DACT1: variants seen among roughly 807,000 people sequenced by gnomAD.
The protein encoded by DACT1 is dapper homolog 1.
In DACT1, 19 loss-of-function variants were observed where a neutral mutation model predicts 35.3. That is an observed-to-expected ratio of 0.54 (90% CI 0.38 to 0.79). The LOEUF (loss-of-function observed/expected upper bound fraction) is 0.79, where lower values mean the gene tolerates loss of function less well. DACT1 is among the 30% of genes least tolerant of loss of function. The probability of loss-of-function intolerance (pLI) is 0.00; values close to 1 mark genes in which losing one functional copy is unlikely to be tolerated. For missense variants in DACT1, 1,143 were observed against 1,057.5 expected (o/e 1.08, Z -1.12); for synonymous variants, 545 against 466.7 (o/e 1.17, Z -2.16).
chr14:58,635,477 G>A (rs1030418277), upstream of DACT1, among the ~76,000 whole-genome samples: 2 of 152,190 alleles, frequency 1.3e-5, no homozygotes, highest in African/African-American at 2.4e-5. Flanking sequence ...GCATGTGAAT[G>A]AACAGCATTA....
In DACT1 at chr14:58,646,230, C is replaced by A; in HGVS notation, c.1496C>A (p.Pro499His). Residue 499 changes from proline to histidine, a missense_variant, in exon 4 of 4, where the codon CCT (proline) becomes CAT (histidine). Physicochemically the swap from Pro to His is moderately conservative, Grantham distance 77 (BLOSUM62 -2). Coordinates refer to ENST00000395153, the MANE Select transcript of DACT1 (RefSeq NM_001079520.2). ...ACAGCTTTCCCCGTGGAAGAGAGGC[C>A]TGCCTTGGATTTCAAGAGCGAGGGC... ...LSTAFPVEER[P>H]ALDFKSEGSS... The A allele has an allele frequency of 1.9e-6, 3 of 1,614,040 alleles. No homozygotes were observed. The highest frequency in any genetic ancestry group is 2.2e-5 in the South Asian group (2 of 91,062).
Position 58,640,724 on chromosome 14 carries a change from C to A in DACT1, c.346-12C>A. The A allele has an allele frequency of 1.2e-6, 2 of 1,613,816 alleles. No individual in the cohort carries two copies. Among genetic ancestry groups the A allele is most frequent in the South Asian group, 2.2e-5 (2 of 91,050 alleles). On this transcript the variant is annotated splice_polypyrimidine_tract_variant and intron_variant, in intron 1 of 3. Coordinates refer to ENST00000395153, the MANE Select transcript of DACT1 (RefSeq NM_001079520.2). Reference sequence around the variant, plus strand: ...CTGTATGTTCATGTTTCCTTTGTTTCTTCCTAATCAGAACTGTTTGAGGCG... The same window carrying A: ...CTGTATGTTCATGTTTCCTTTGTTTATTCCTAATCAGAACTGTTTGAGGCG...
At chr14:58,645,131 T>C (rs1224416760) in intron 3 of DACT1, 7 of 753,728 alleles carry the variant, frequency 9.3e-6, no homozygotes, top group Non-Finnish European at 1.5e-5. Flanking sequence ...TGTGAAATGG[T>C]AGGGCAGCAC....
At position 58,647,586 on chromosome 14, in the gene DACT1, A is replaced by C. The variant is rs2047706150; in HGVS notation, c.*452A>C. 1.1e-5 allele frequency: 2 copies of C among 187,378 alleles called. No individual in the cohort carries two copies. Among genetic ancestry groups the C allele is most frequent in the Admixed American group, 1.3e-4 (2 of 15,782 alleles). The allele number at this position is 187,378 out of a possible 1,614,324, so 11.6% of individuals were successfully genotyped here. ...GGCACCACATACAATAGTGTGAAGT[A>C]GGTATGAGGGGCAGTCATTGTATTC... On this transcript the variant is annotated 3_prime_UTR_variant, in exon 4 of 4. Coordinates refer to ENST00000395153, the MANE Select transcript of DACT1 (RefSeq NM_001079520.2).
Position 58,640,683 on chromosome 14 carries a change from G to C in DACT1, c.346-53G>C, listed in dbSNP as rs573705523. On this transcript the variant is annotated intron_variant, in intron 1 of 3. Transcript: ENST00000395153. ...TTTGAATCCTTAGAGTAGACTTTCT[G>C]GTTCTTTTGTCACCCCTGTATGTTC... 5.6e-6 allele frequency: 9 copies of C among 1,603,608 alleles called. 1 individual carries two copies. In the South Asian group the frequency reaches 6.7e-5, roughly 12 times the overall value.
At chr14:58,639,262 G>T in intron 1 of DACT1, 1 of 985,278 alleles carries the variant, frequency 1.0e-6, no homozygotes, top group Non-Finnish European at 1.2e-6. Flanking sequence ...ACCTGCTCTC[G>T]GTAAGCATTT....
chr14:58,646,986 T>C lies in DACT1; in HGVS notation c.2252T>C (p.Val751Ala), dbSNP rs755224769. 2.5e-6 allele frequency: 4 copies of C among 1,614,158 alleles called. No individual in the cohort carries two copies. The highest frequency in any genetic ancestry group is 1.1e-5 in the South Asian group (1 of 91,084). ...GGGGGCTTAATTTGGTCCCAGTTTG[T>C]CCAGACTCTGCCCATTCAAACGGTA... ...ESGGLIWSQF[V>A]QTLPIQTVTA... Residue 751 changes from valine to alanine, a missense_variant, in exon 4 of 4, where the codon GTC becomes GCC. By Grantham distance (64) the Val-to-Ala change is moderately conservative. This residue lies in a region of DACT1 where 1,054 missense variants were observed against 958.8 expected (regional missense o/e 1.10). Transcript: ENST00000395153.
In DACT1 at chr14:58,638,246, C is replaced by T. The variant is rs1274111708; in HGVS notation, c.44C>T (p.Pro15Leu). ...GGGACGGCGAAGGAGCTGGAGCCTC[C>T]GGCGCCGGCCCGAGGCGAGCAGCGC... The part of the protein sequence containing the change: ...PAGTAKELEP[P>L]APARGEQRTA... The change falls in exon 1 of 4, where the codon CCG (proline) becomes CTG (leucine). Residue 15 changes from proline (P) to leucine (L), a missense_variant. Pro to Leu is a moderately conservative substitution (Grantham distance 98, BLOSUM62 -3). Transcript: ENST00000395153. 9.5e-6 allele frequency: 13 copies of T among 1,364,662 alleles called. No individual in the cohort carries two copies. Among genetic ancestry groups the T allele is most frequent in the South Asian group, 3.4e-5 (2 of 59,678 alleles). The allele number at this position is 1,364,662 out of a possible 1,614,324, so 84.5% of individuals were successfully genotyped here. A position where few individuals can be genotyped will look rare whatever the true frequency, so the allele number is the denominator to read the frequency against.
chr14:58,643,709 T>G (rs1266873872), intron 3 of DACT1, among the ~76,000 whole-genome samples: 1 of 152,180 alleles, frequency 6.6e-6, no homozygotes, highest in Non-Finnish European at 1.5e-5. Context: ...GCACCAGGCC[T>G]TGGGGGCTAG....
At chr14:58,638,620 G>T (rs2047597990) in intron 1 of DACT1, 73 bp downstream of exon 1, 2 of 1,268,848 alleles carry the variant, frequency 1.6e-6, no homozygotes, top group East Asian at 3.0e-5. Flanking sequence ...GGCCTGGGGC[G>T]GGCGCGAGGT....
Position 58,645,599 on chromosome 14 carries a change from CTGTG to C in DACT1, c.866_869del (p.Leu289ArgfsTer17), listed in dbSNP as rs2047666698. ...CAGTTCCTTACCGTCCCCAAGCAGTCTGTGGTCTGCTTCCCATCCTTCATCCAGC... is the reference window on the plus strand; with the variant it reads ...CAGTTCCTTACCGTCCCCAAGCAGTCGTCTGCTTCCCATCCTTCATCCAGC... On this transcript the variant is annotated frameshift_variant, in exon 4 of 4. Transcript: ENST00000395153. LOFTEE classifies it low-confidence loss of function (END_TRUNC). 1.9e-6 allele frequency: 3 copies of C among 1,614,068 alleles called. No homozygotes were observed. In the Admixed American group the frequency reaches 5.0e-5, roughly 27 times the overall value.
intron 1 of DACT1, among the ~76,000 whole-genome samples, chr14:58,640,188 G>T (rs1311703996): frequency 1.3e-5 from 2 of 152,216 alleles, no homozygotes; most frequent in Non-Finnish European, 2.9e-5. Flanking sequence ...GATTCTGCCA[G>T]CTCACATTAT....
intron 2 of DACT1, among the ~76,000 whole-genome samples, chr14:58,641,213 T>C (rs1023226619): frequency 6.6e-6 from 1 of 151,612 alleles, no homozygotes; most frequent in Non-Finnish European, 1.5e-5. Context: ...CAAAAGTTTT[T>C]TTTTTTTTTC....
chr14:58,646,678 T>A lies in DACT1; in HGVS notation c.1944T>A (p.Ile648=), dbSNP rs773387192. 5 of 1,612,672 alleles carry A rather than the reference T, an allele frequency of 3.1e-6. No individual in the cohort carries two copies. Among genetic ancestry groups the A allele is most frequent in the Non-Finnish European group, 8.5e-7 (1 of 1,179,800 alleles). The part of the protein sequence containing the change: ...DYRRWKSSAE[I]SYEEALRRAR... ...GGCGGTGGAAGTCCTCGGCCGAGAT[T>A]TCCTACGAAGAGGCCCTGAGGAGGG... Residue 648 remains isoleucine (I), a synonymous_variant, in exon 4 of 4, where the codon ATT becomes ATA. Coordinates refer to ENST00000395153, the MANE Select transcript of DACT1 (RefSeq NM_001079520.2).
chr14:58,646,506 C>A lies in DACT1; in HGVS notation c.1772C>A (p.Ser591Tyr). Residue 591 changes from serine to tyrosine, a missense_variant, in exon 4 of 4, where the codon TCC becomes TAC. Physicochemically the swap from Ser to Tyr is moderately radical, Grantham distance 144 (BLOSUM62 -2). This residue lies in a region of DACT1 where 1,054 missense variants were observed against 958.8 expected (regional missense o/e 1.10). Transcript: ENST00000395153. ...ACAAATAAGAAACTCAAGAAAGCCT[C>A]CTCCAAGGGGAGGAAGAGTGGGGGC... Reference protein sequence around the residue: ...LDTNKKLKKASSKGRKSGGGP... With the variant: ...LDTNKKLKKAYSKGRKSGGGP... The A allele has an allele frequency of 6.4e-7, 1 of 1,560,818 alleles. No homozygotes were observed.
Position 58,638,229 on chromosome 14 carries a change from GA to G in DACT1, c.29del (p.Lys10ArgfsTer102). On this transcript the variant is annotated frameshift_variant, in exon 1 of 4. Transcript: ENST00000395153. LOFTEE classifies it high-confidence loss of function. ...TGAAGCCGAGTCCGGCCGGGACGGC[GA>G]AGGAGCTGGAGCCTCCGGCGCCGGC... MKPSPAGTAKELEPPAPARG... is the reference protein window; with the variant it reads MKPSPAGTAXELEPPAPARG... The G allele has an allele frequency of 7.4e-7, 1 of 1,354,140 alleles. No individual in the cohort carries two copies. 83.9% of individuals were successfully genotyped at this position (1,354,140 alleles called of 1,614,324 possible).
chr14:58,646,864 C>T lies in DACT1; in HGVS notation c.2130C>T (p.Ser710=). Residue 710 remains serine, a synonymous_variant, in exon 4 of 4, where the codon AGC becomes AGT. Transcript: ENST00000395153. ...TGGACACCAGTGAGGACGAGCAGAGCAATTACACCACCAACTGCTTCGGGG... is the reference window on the plus strand; with the variant it reads ...TGGACACCAGTGAGGACGAGCAGAGTAATTACACCACCAACTGCTTCGGGG... ...TVVDTSEDEQ[S]NYTTNCFGDS... 1 of 1,614,142 alleles carries T rather than the reference C, an allele frequency of 6.2e-7. No individual in the cohort carries two copies. Among genetic ancestry groups the T allele is most frequent in the Non-Finnish European group, 8.5e-7 (1 of 1,180,026 alleles).
Position 58,646,685 on chromosome 14 carries a change from G to A in DACT1, c.1951G>A (p.Glu651Lys). ...RWKSSAEISY[E>K]EALRRARRGR... ...GAAGTCCTCGGCCGAGATTTCCTAC[G>A]AAGAGGCCCTGAGGAGGGCCCGGCG... is the stretch of plus-strand genomic sequence containing the variant. Residue 651 changes from glutamate to lysine, a missense_variant, in exon 4 of 4, where the codon GAA becomes AAA. Physicochemically the swap from Glu to Lys is moderately conservative, Grantham distance 56. This residue lies in a region of DACT1 where 1,054 missense variants were observed against 958.8 expected (regional missense o/e 1.10). Coordinates refer to ENST00000395153, the MANE Select transcript of DACT1 (RefSeq NM_001079520.2). 3 of 1,612,902 alleles carry A rather than the reference G, an allele frequency of 1.9e-6. No individual in the cohort carries two copies. The highest frequency in any genetic ancestry group is 1.7e-6 in the Non-Finnish European group (2 of 1,179,888).
rs763437520 is a variant in DACT1, at chr14:58,646,384, C to T, written c.1650C>T (p.Arg550=). ...GVVKNSSLKH[R]GPALQGLENG... is the part of the protein sequence containing the mutation. ...TGAAGAACTCCAGCCTGAAGCACCG[C>T]GGCCCAGCCCTCCAGGGGCTGGAGA... is the stretch of plus-strand genomic sequence containing the variant. Residue 550 remains arginine, a synonymous_variant, in exon 4 of 4, where the codon CGC becomes CGT. Coordinates refer to ENST00000395153, the MANE Select transcript of DACT1 (RefSeq NM_001079520.2). 6.9e-6 allele frequency: 11 copies of T among 1,603,856 alleles called. No individual in the cohort carries two copies. Among genetic ancestry groups the T allele is most frequent in the South Asian group, 1.1e-5 (1 of 89,486 alleles).
Sources: gnomAD v4.1 joint callset for allele counts (sites outside exome capture counted in the v4.1 genomes callset) on GRCh38, gnomAD v4.1.1 for gene constraint, gnomAD v4.1.1 regional missense constraint, MANE v1.5 for transcripts, NCBI Gene and HGNC (gene_info 2026-07-23, HGNC 2026-07-21) for gene names.